NCOA1: variants seen among roughly 807,000 people sequenced by gnomAD.
The protein encoded by NCOA1 is Hin-2 protein.
In NCOA1, 35 loss-of-function variants were observed where a neutral mutation model predicts 150.9. The observed-to-expected ratio is 0.23, with a 90% CI of 0.18 to 0.31. The LOEUF (loss-of-function observed/expected upper bound fraction) is 0.31, where lower values mean the gene tolerates loss of function less well. Ranked by LOEUF, NCOA1 falls within the 10% of genes least tolerant of loss-of-function variation. NCOA1 has a pLI of 1.00. For synonymous variants in NCOA1, 590 were observed against 630.0 expected (o/e 0.94, Z 0.95); for missense variants, 1,491 against 1,749.3 (o/e 0.85, Z 2.63).
At chr2:24,522,789 A>G (rs533220881) in intron 1 of NCOA1, among the ~76,000 whole-genome samples, 4 of 152,372 alleles carry the variant, frequency 2.6e-5, no homozygotes, top group South Asian at 4.1e-4. Flanking sequence ...AGTAATTCAT[A>G]ATCTAATACA....
chr2:24,609,160 G>A (rs570550421), intron 3 of NCOA1, among the ~76,000 whole-genome samples: 94 of 152,302 alleles, frequency 6.2e-4, no homozygotes, highest in South Asian at 2.5e-3. Context: ...ACCTCCCAGA[G>A]GGAGGAGTAG....
chr2:24,625,374 A>G (rs1669361165), intron 3 of NCOA1, among the ~76,000 whole-genome samples: 1 of 151,902 alleles, frequency 6.6e-6, no homozygotes, highest in African/African-American at 2.4e-5. Context: ...CAAAAAAAAA[A>G]AAAAAAAAAA....
Position 24,768,515 on chromosome 2 carries a change from GCAA to G in NCOA1, c.*125_*127del, listed in dbSNP as rs1665180057. 6 of 94,398 alleles carry G rather than the reference GCAA, an allele frequency of 6.4e-5. No individual in the cohort carries two copies. Among genetic ancestry groups the G allele is most frequent in the South Asian group, 4.5e-4 (1 of 2,228 alleles). 5.8% of individuals were successfully genotyped at this position (94,398 alleles called of 1,614,324 possible). A position where few individuals can be genotyped will look rare whatever the true frequency, so the allele number is the denominator to read the frequency against. ...CATTCTTCAGGTCGTAGCATTTGGAGCAAAAAAAAAAAAAAAAAAAAAAAAAGG... is the reference window on the plus strand; with the variant it reads ...CATTCTTCAGGTCGTAGCATTTGGAGAAAAAAAAAAAAAAAAAAAAAAAGG... On this transcript the variant is annotated 3_prime_UTR_variant, in exon 23 of 23. Transcript: ENST00000348332.
At chr2:24,758,370 A>AC (rs1664607661) in intron 21 of NCOA1, among the ~76,000 whole-genome samples, 1 of 126,362 alleles carries the variant, frequency 7.9e-6, no homozygotes, top group Non-Finnish European at 1.6e-5. Flanking sequence ...TCACTTTGTC[A>AC]CCCAAGCTGG....
chr2:24,545,190 C>G (rs1358229531), intron 1 of NCOA1, among the ~76,000 whole-genome samples: 8 of 152,096 alleles, frequency 5.3e-5, no homozygotes, highest in Admixed American at 5.2e-4. Context: ...CTAAGGCTCC[C>G]TGGAAAATGG....
chr2:24,720,531 A>G (rs1477723945), intron 14 of NCOA1, among the ~76,000 whole-genome samples: 2 of 152,190 alleles, frequency 1.3e-5, no homozygotes, highest in Admixed American at 6.5e-5. Context: ...ATATGTTCGC[A>G]AAGGCCAAGA....
chr2:24,655,617 A>AGG (rs1347694557), intron 4 of NCOA1, among the ~76,000 whole-genome samples: 31 of 152,326 alleles, frequency 2.0e-4, no homozygotes, highest in Admixed American at 1.8e-3. Flanking sequence ...GATTAGATAT[A>AGG]CACTTGGTAG....
chr2:24,567,465 A>G (rs1051981796), intron 2 of NCOA1, among the ~76,000 whole-genome samples: 2 of 152,248 alleles, frequency 1.3e-5, no homozygotes, highest in Non-Finnish European at 1.5e-5. Flanking sequence ...TAACTTCATT[A>G]TAAATGGAAT....
At chr2:24,768,010 A>G in intron 22 of NCOA1, 2 of 1,530,792 alleles carry the variant, frequency 1.3e-6, no homozygotes, top group Non-Finnish European at 1.8e-6. Flanking sequence ...TCCAATTTTG[A>G]TTTTATTTTT....
At chr2:24,516,941 T>C (rs556229535) in intron 1 of NCOA1, among the ~76,000 whole-genome samples, 132 of 135,800 alleles carry the variant, frequency 9.7e-4, no homozygotes, top group East Asian at 4.6e-3. Context: ...TGTATATATA[T>C]ACGTATATAT....
chr2:24,743,774 C>T (rs890848902), intron 19 of NCOA1, among the ~76,000 whole-genome samples: 39 of 152,124 alleles, frequency 2.6e-4, no homozygotes, highest in African/African-American at 8.4e-4. Context: ...TAGCAGCATT[C>T]ATAATATTAA....
intron 3 of NCOA1, among the ~76,000 whole-genome samples, chr2:24,624,499 A>G (rs1572506569): frequency 1.3e-5 from 2 of 152,206 alleles, no homozygotes; most frequent in South Asian, 4.1e-4. Context: ...ATGCATATTC[A>G]ATTTTCAATA....
At chr2:24,553,526 G>A (rs929411513) in intron 1 of NCOA1, among the ~76,000 whole-genome samples, 15 of 152,014 alleles carry the variant, frequency 9.9e-5, no homozygotes, top group African/African-American at 2.2e-4. Context: ...CACAAATGCC[G>A]TTTTTTTCCC....
chr2:24,495,130 G>T (rs1663149991), intron 1 of NCOA1, among the ~76,000 whole-genome samples: 1 of 145,384 alleles, frequency 6.9e-6, no homozygotes. Flanking sequence ...GCTTAGTTCT[G>T]GAAAATGGTT....
Position 24,707,035 on chromosome 2 carries a change from C to T in NCOA1, c.1565C>T (p.Thr522Ile), listed in dbSNP as rs775173366. The T allele has an allele frequency of 6.2e-7, 1 of 1,614,176 alleles. No homozygotes were observed. The highest frequency in any genetic ancestry group is 1.1e-5 in the South Asian group (1 of 91,084). The change falls in exon 13 of 23, where the codon ACA becomes ATA. Residue 522 changes from threonine to isoleucine, a missense_variant. Transcript: ENST00000348332. ...ISTLSSPVGM[T>I]SSACNNNNRS... ...ACATTAAGCTCTCCCGTTGGCATGA[C>T]AAGTAGTGCCTGTAATAATAATAAC...
chr2:24,505,448 G>A (rs1663653673), intron 1 of NCOA1, among the ~76,000 whole-genome samples: 1 of 151,860 alleles, frequency 6.6e-6, no homozygotes, highest in African/African-American at 2.4e-5. Flanking sequence ...CGAAGTGCTG[G>A]GATTACAAGT....
chr2:24,643,256 T>G (rs1472843392), intron 3 of NCOA1, among the ~76,000 whole-genome samples: 4 of 152,176 alleles, frequency 2.6e-5, no homozygotes, highest in Non-Finnish European at 4.4e-5. Context: ...CTCTCTGCAC[T>G]TAAGTGGGAG....
intron 4 of NCOA1, among the ~76,000 whole-genome samples, chr2:24,650,563 T>G (rs1365102386): frequency 5.3e-5 from 8 of 152,140 alleles, no homozygotes. Flanking sequence ...AGCACTCTTA[T>G]GACTCAATAA....
At chr2:24,570,917 G>A (rs774259177) in intron 2 of NCOA1, among the ~76,000 whole-genome samples, 2 of 152,182 alleles carry the variant, frequency 1.3e-5, no homozygotes, top group South Asian at 2.1e-4. Flanking sequence ...GCAGTGCCTG[G>A]ACTTTATTTG....
Sources: gnomAD v4.1 joint callset for allele counts (sites outside exome capture counted in the v4.1 genomes callset) on GRCh38, gnomAD v4.1.1 for gene constraint, MANE v1.5 for transcripts, NCBI Gene and HGNC (gene_info 2026-07-23, HGNC 2026-07-21) for gene names.